The following AFF1 variants were observed in gnomAD, a reference collection of about 807,000 sequenced individuals.
The protein encoded by AFF1 is ALF transcription elongation factor 1, also known as AF4/FMR2 family member 1.
In AFF1, 48 loss-of-function variants were observed where a neutral mutation model predicts 121.7. That is an observed-to-expected ratio of 0.39 (90% CI 0.31 to 0.50). The LOEUF (loss-of-function observed/expected upper bound fraction) is 0.50, where lower values mean the gene tolerates loss of function less well. AFF1 is among the 20% of genes least tolerant of loss of function. AFF1 has a pLI of 0.76. For synonymous variants in AFF1, 613 were observed against 563.0 expected, an observed-to-expected ratio of 1.09 and a Z score of -1.26; for missense variants, 1,523 against 1,511.7, an observed-to-expected ratio of 1.01 and a Z score of -0.12.
rs974661314 is a variant in AFF1 at position 87,049,661 on chromosome 4, A to T, written c.1059+2067A>T. On this transcript the variant is annotated intron_variant, in intron 4 of 20. Coordinates refer to ENST00000395146, the MANE Select transcript of AFF1 (RefSeq NM_001166693.3). ...TCTGCAGCCTCTGTTCACAGTCAGC[A>T]TTTCCTTTAATGCGGTGGTTCCCTC... 4 of 456,168 alleles carry T rather than the reference A, an allele frequency of 8.8e-6. No homozygotes were observed. The Admixed American group carries it at 9.4e-5, about 11-fold the overall frequency. 28.3% of individuals were successfully genotyped at this position (456,168 alleles called of 1,614,324 possible).
At chr4:86,947,867 CTTAAGA>C (rs1288737882) in intron 1 of AFF1, among the ~76,000 whole-genome samples, 1 of 148,830 alleles carries the variant, frequency 6.7e-6, no homozygotes, top group African/African-American at 2.5e-5. Flanking sequence ...GAAGTAAAAT[CTTAAGA>C]TTGATTGTCA....
At chr4:87,105,385 G>A (rs561562134) in intron 8 of AFF1, among the ~76,000 whole-genome samples, 9 of 152,154 alleles carry the variant, frequency 5.9e-5, no homozygotes, top group Admixed American at 5.2e-4. Context: ...TTTTGAGATG[G>A]TAAGAGGCTT....
At chr4:87,098,414 C>A (rs766173608) in intron 8 of AFF1, among the ~76,000 whole-genome samples, 1 of 152,110 alleles carries the variant, frequency 6.6e-6, no homozygotes, top group African/African-American at 2.4e-5. Flanking sequence ...CTTTCCAAGG[C>A]TTAGATCTGT....
chr4:87,127,202 C>G lies in AFF1; in HGVS notation c.2903+85C>G, dbSNP rs529506193. ...CCAAGATAGAGTCTCACTCTGTCAC[C>G]CAGGCTGGAGTGTAGTGGCATGATC... On this transcript the variant is annotated intron_variant, in intron 15 of 20. Transcript: ENST00000395146. The G allele has an allele frequency of 6.7e-4, 809 of 1,207,146 alleles. 10 individuals carry two copies. In the South Asian group the frequency reaches 8.6e-3, roughly 13 times the overall value. 74.8% of individuals were successfully genotyped at this position (1,207,146 alleles called of 1,614,324 possible). A position where few individuals can be genotyped will look rare whatever the true frequency, so the allele number is the denominator to read the frequency against.
rs769199371 is a variant in AFF1, at chr4:87,046,842, C to G, written c.307C>G (p.Pro103Ala). 6.2e-7 allele frequency: 1 copy of G among 1,614,212 alleles called. No individual in the cohort carries two copies. The highest frequency in any genetic ancestry group is 1.7e-5 in the Admixed American group (1 of 60,030). Residue 103 changes from proline (P) to alanine (A), a missense_variant, in exon 4 of 21, where the codon CCT (proline) becomes GCT (alanine). Coordinates refer to ENST00000395146, the MANE Select transcript of AFF1 (RefSeq NM_001166693.3). ...RLGKPKYPLI[P>A]DKGSSIPSSS... is the part of the protein sequence containing the mutation. Reference sequence around the variant, plus strand: ...GGGAAAGCCGAAATATCCTTTAATTCCTGACAAAGGGAGCAGCATTCCATC... The same window carrying G: ...GGGAAAGCCGAAATATCCTTTAATTGCTGACAAAGGGAGCAGCATTCCATC...
At chr4:87,121,783 A>G (rs1179108828) in intron 12 of AFF1, among the ~76,000 whole-genome samples, 1 of 152,218 alleles carries the variant, frequency 6.6e-6, no homozygotes, top group Non-Finnish European at 1.5e-5. Context: ...CTGGCGCTGA[A>G]GTTAGTGCTC....
rs34072831 is a variant in AFF1 at position 87,001,207 on chromosome 4, C to CTTTTTTTTTTTTTTTTTT, written c.39-44949_39-44932dup. Among the ~76,000 whole-genome samples, 3 of 60,298 alleles carry CTTTTTTTTTTTTTTTTTT rather than the reference C, an allele frequency of 5.0e-5. 1 individual carries two copies. The highest frequency in any genetic ancestry group is 9.0e-5 in the Non-Finnish European group (3 of 33,310). The allele number at this position is 60,298 out of a possible 152,430, so 39.6% of individuals were successfully genotyped here. A position where few individuals can be genotyped will look rare whatever the true frequency, so the allele number is the denominator to read the frequency against. Reference sequence around the variant, plus strand: ...TGAGAGGACTGCTTTCCTTTTTCTACTTTTTTTTTTTTTTTTTTTTTTTTT... The same window carrying CTTTTTTTTTTTTTTTTTT: ...TGAGAGGACTGCTTTCCTTTTTCTACTTTTTTTTTTTTTTTTTTTTTTTTTTTTTTTTTTTTTTTTTTT... On this transcript the variant is annotated intron_variant, in intron 2 of 20. Transcript: ENST00000395146.
rs1720521297 is a variant in AFF1, at chr4:86,942,291, A to AT, written c.-36-6203dup. On this transcript the variant is annotated intron_variant, in intron 1 of 20. Transcript: ENST00000395146. ...AGCCCACAGGGAATGAGGTAGAGAC[A>AT]TTTTCTACCAATATCCATGTGCTTT... Among the ~76,000 whole-genome samples, 3 of 152,288 alleles carry AT rather than the reference A, an allele frequency of 2.0e-5. No homozygotes were observed. The South Asian group carries it at 6.2e-4, about 32-fold the overall frequency.
At chr4:87,001,206 A>ATT (rs1725687669) in intron 2 of AFF1, among the ~76,000 whole-genome samples, 5 of 24,032 alleles carry the variant, frequency 2.1e-4, no homozygotes, top group Admixed American at 1.3e-3. Flanking sequence ...TCCTTTTTCT[A>ATT]CTTTTTTTTT....
At chr4:86,966,244 A>G (rs140500453) in intron 2 of AFF1, among the ~76,000 whole-genome samples, 5 of 152,010 alleles carry the variant, frequency 3.3e-5, no homozygotes, top group Admixed American at 1.3e-4. Flanking sequence ...GTGCAGAGTG[A>G]TATATATTGA....
At chr4:87,015,132 T>C (rs1251005551) in intron 2 of AFF1, among the ~76,000 whole-genome samples, 1 of 152,222 alleles carries the variant, frequency 6.6e-6, no homozygotes, top group African/African-American at 2.4e-5. Flanking sequence ...TAGTCATTGG[T>C]ATAAAGTAAG....
At chr4:87,064,303 G>A (rs919655426) in intron 4 of AFF1, among the ~76,000 whole-genome samples, 5 of 152,186 alleles carry the variant, frequency 3.3e-5, no homozygotes, top group African/African-American at 1.2e-4. Flanking sequence ...ATCTCTGAAG[G>A]TTCCTGAATC....
At chr4:86,982,114 C>T (rs759658714) in intron 2 of AFF1, among the ~76,000 whole-genome samples, 5 of 152,170 alleles carry the variant, frequency 3.3e-5, no homozygotes, top group Non-Finnish European at 5.9e-5. Flanking sequence ...AAGAAATTTA[C>T]TGAAAGTCAA....
intron 2 of AFF1, among the ~76,000 whole-genome samples, chr4:86,960,794 C>T (rs1722092906): frequency 6.6e-6 from 1 of 152,252 alleles, no homozygotes; most frequent in African/African-American, 2.4e-5. Flanking sequence ...CACTTGGCTC[C>T]TCTGTTGCAG....
chr4:87,087,293 A>C (rs1335724477), intron 5 of AFF1, among the ~76,000 whole-genome samples: 1 of 152,244 alleles, frequency 6.6e-6, no homozygotes, highest in African/African-American at 2.4e-5. Context: ...TGGAGATCAG[A>C]GTAGGGAAGA....
intron 2 of AFF1, among the ~76,000 whole-genome samples, chr4:87,027,587 G>A: frequency 6.6e-6 from 1 of 152,186 alleles, no homozygotes; most frequent in Non-Finnish European, 1.5e-5. Context: ...TCCTACCACA[G>A]TGTTTTGACC....
chr4:87,001,506 G>A (rs532663985), intron 2 of AFF1, among the ~76,000 whole-genome samples: 1 of 152,088 alleles, frequency 6.6e-6, no homozygotes, highest in Non-Finnish European at 1.5e-5. Flanking sequence ...GTGAGCCACC[G>A]CGCCCGGCTC....
At chr4:86,936,914 A>G (rs915759288) in intron 1 of AFF1, among the ~76,000 whole-genome samples, 1 of 152,212 alleles carries the variant, frequency 6.6e-6, no homozygotes, top group Non-Finnish European at 1.5e-5. Flanking sequence ...AACTAGAGAA[A>G]CTCACTGGAA....
Position 87,139,953 on chromosome 4 carries a change from A to T in AFF1, c.*4252A>T, listed in dbSNP as rs565870863. The T allele has an allele frequency of 1.4e-5, 3 of 213,650 alleles. No individual in the cohort carries two copies. The highest frequency in any genetic ancestry group is 2.8e-5 in the Non-Finnish European group (3 of 105,932). The allele number at this position is 213,650 out of a possible 1,614,324, so 13.2% of individuals were successfully genotyped here. ...TACTGCTTTTCTTTAGGTGGCTATA[A>T]ATTTCTTACTGTCAGGAGGAAATGA... On this transcript the variant is annotated 3_prime_UTR_variant, in exon 21 of 21. Transcript: ENST00000395146.
Sources: gnomAD v4.1 joint callset for allele counts (sites outside exome capture counted in the v4.1 genomes callset) on GRCh38, gnomAD v4.1.1 for gene constraint, MANE v1.5 for transcripts, NCBI Gene and HGNC (gene_info 2026-07-23, HGNC 2026-07-21) for gene names.